TJP2: variants seen among roughly 807,000 people sequenced by gnomAD.
The protein encoded by TJP2 is Friedreich ataxia region gene X104 (tight junction protein ZO-2).
Under a neutral mutation model 133.1 loss-of-function variants are expected in TJP2, and 91 were observed. That is an observed-to-expected ratio of 0.68 (90% CI 0.58 to 0.81). The LOEUF is 0.81. Among genes scored for constraint, TJP2 ranks in the 40% least tolerant of loss-of-function variants. The probability of loss-of-function intolerance (pLI) is 0.00; values close to 1 mark genes in which losing one functional copy is unlikely to be tolerated. For missense variants in TJP2, 1,541 were observed against 1,565.6 expected, an observed-to-expected ratio of 0.98 and a Z score of 0.26; for synonymous variants, 592 against 583.4, an observed-to-expected ratio of 1.01 and a Z score of -0.21.
chr9:69,157,890 G>A (rs563744646), intron 2 of TJP2, among the ~76,000 whole-genome samples: 3 of 152,256 alleles, frequency 2.0e-5, no homozygotes, highest in Non-Finnish European at 2.9e-5. Flanking sequence ...GGAAATCTGT[G>A]ATGTCTGGAC....
intron 3 of TJP2, among the ~76,000 whole-genome samples, chr9:69,217,307 A>G (rs1045020397): frequency 2.6e-5 from 4 of 152,216 alleles, no homozygotes; most frequent in African/African-American, 9.6e-5. Flanking sequence ...ACCATTTTAC[A>G]TGATACATGC....
At chr9:69,217,164 T>C (rs1308726049) in intron 3 of TJP2, among the ~76,000 whole-genome samples, 1 of 152,060 alleles carries the variant, frequency 6.6e-6, no homozygotes, top group Non-Finnish European at 1.5e-5. Flanking sequence ...CTAATTTTTG[T>C]ATTTTTAGTA....
intron 1 of TJP2, among the ~76,000 whole-genome samples, chr9:69,133,361 G>A (rs1018705860): frequency 2.0e-5 from 3 of 152,090 alleles, no homozygotes; most frequent in African/African-American, 7.2e-5. Context: ...TAATGGCTTA[G>A]CGACGCCTAG....
At chr9:69,225,433 T>C (rs1829268150) in intron 6 of TJP2, 26 bp downstream of exon 6, 3 of 1,449,316 alleles carry the variant, frequency 2.1e-6, no homozygotes, top group Non-Finnish European at 2.9e-6. Context: ...CAGAGAACGG[T>C]AGTGTGCATA....
intron 1 of TJP2, among the ~76,000 whole-genome samples, chr9:69,183,214 ACT>A (rs1825637013): frequency 6.6e-6 from 1 of 151,864 alleles, no homozygotes; most frequent in Non-Finnish European, 1.5e-5. Context: ...AAACACCATC[ACT>A]CTCTAGTTCC....
intron 2 of TJP2, among the ~76,000 whole-genome samples, chr9:69,214,342 T>C (rs1828182122): frequency 6.6e-6 from 1 of 152,170 alleles, no homozygotes; most frequent in Non-Finnish European, 1.5e-5. Flanking sequence ...CGCCTTGGCC[T>C]CCCGAAGTGC....
In TJP2 at chr9:69,203,138, TC is replaced by T. The variant is rs1827119876; in HGVS notation, c.61-9406del. Among the ~76,000 whole-genome samples the T allele has an allele frequency of 3.3e-5, 5 of 152,048 alleles. No individual in the cohort carries two copies. In the South Asian group the frequency reaches 1.0e-3, roughly 32 times the overall value. ...TGAAGGAGTGGGCTGGCCTGAACCC[TC>T]CCCGAGTTGCCTGGGTTCTCAGGCT... On this transcript the variant is annotated intron_variant, in intron 1 of 22. Transcript: ENST00000377245.
At chr9:69,210,742 C>CTTTTTTT (rs200516626) in intron 1 of TJP2, among the ~76,000 whole-genome samples, 3 of 117,878 alleles carry the variant, frequency 2.5e-5, no homozygotes, top group Non-Finnish European at 3.5e-5. Context: ...ATTTTGAGTT[C>CTTTTTTT]TTTTTTTTTT....
At chr9:69,121,511 G>C (rs939538411) in exon 1 of TJP2, 22 of 275,598 alleles carry the variant, frequency 8.0e-5, no homozygotes, top group Non-Finnish European at 1.1e-4. Context: ...AATAATATAC[G>C]GGAGCAGCCG....
At chr9:69,187,448 C>T (rs749978845) in intron 1 of TJP2, among the ~76,000 whole-genome samples, 3 of 152,168 alleles carry the variant, frequency 2.0e-5, no homozygotes, top group African/African-American at 4.8e-5. Context: ...CTGTCTCTTT[C>T]GTCTGTTCCA....
chr9:69,123,070 A>C (rs1822217643), intron 1 of TJP2, among the ~76,000 whole-genome samples: 1 of 152,144 alleles, frequency 6.6e-6, no homozygotes, highest in Admixed American at 6.5e-5. Context: ...AGGATCACCC[A>C]AGGGATCCGT....
chr9:69,206,385 T>G (rs1166984140), intron 1 of TJP2, among the ~76,000 whole-genome samples: 1 of 151,986 alleles, frequency 6.6e-6, no homozygotes, highest in African/African-American at 2.4e-5. Context: ...ACTGGTACCA[T>G]CCTTCAACTC....
intron 1 of TJP2, among the ~76,000 whole-genome samples, chr9:69,148,373 C>A (rs1392440562): frequency 7.6e-6 from 1 of 130,942 alleles, no homozygotes; most frequent in East Asian, 2.3e-4. Context: ...CTCTGTAATA[C>A]TTTTTTTTTT....
intron 16 of TJP2, 53 bp from the exon 17 acceptor site, chr9:69,239,884 T>A: frequency 7.4e-7 from 1 of 1,347,994 alleles, no homozygotes; most frequent in Non-Finnish European, 1.1e-6. Flanking sequence ...AAGTATTTGA[T>A]GCTATATTAC....
In TJP2 at chr9:69,236,033, A is replaced by G. The variant is rs1350226749; in HGVS notation, c.1786A>G (p.Arg596Gly). 6.2e-7 allele frequency: 1 copy of G among 1,614,136 alleles called. No homozygotes were observed. The highest frequency in any genetic ancestry group is 1.7e-5 in the Admixed American group (1 of 60,028). ...ACGATGCTTTTGTCTTTCAGTGTAT[A>G]GAGACATCCTGGCTTGTGGCAGAGG... is the stretch of plus-strand genomic sequence containing the variant. ...ILAQSRADVY[R>G]DILACGRGDS... The change falls in exon 13 of 23, where the codon AGA becomes GGA. Residue 596 changes from arginine (R) to glycine (G), a missense_variant. Arg to Gly is a moderately radical substitution (Grantham distance 125). Coordinates refer to ENST00000377245, the MANE Select transcript of TJP2 (RefSeq NM_004817.4).
intron 1 of TJP2, among the ~76,000 whole-genome samples, chr9:69,192,752 G>A (rs1826288388): frequency 1.3e-5 from 2 of 152,046 alleles, no homozygotes; most frequent in Non-Finnish European, 2.9e-5. Flanking sequence ...CAGTGGCTTT[G>A]GGACCTGGTG....
chr9:69,151,543 C>T (rs1823480356), intron 1 of TJP2: 2 of 1,152,426 alleles, frequency 1.7e-6, no homozygotes, highest in Non-Finnish European at 2.2e-6. Context: ...TAAAAGCCAT[C>T]CTAAAAACGG....
chr9:69,202,715 A>G (rs925898590), intron 1 of TJP2, among the ~76,000 whole-genome samples: 4 of 152,178 alleles, frequency 2.6e-5, no homozygotes, highest in African/African-American at 9.6e-5. Context: ...AGGCTGAGGA[A>G]GATGACGGTT....
rs536934900 is a variant in TJP2 at position 69,254,499 on chromosome 9, G to T, written c.*125G>T. The T allele has an allele frequency of 8.7e-6, 11 of 1,269,914 alleles. No individual in the cohort carries two copies. The South Asian group carries it at 1.1e-4, about 13-fold the overall frequency. 78.7% of individuals were successfully genotyped at this position (1,269,914 alleles called of 1,614,324 possible). Reference sequence around the variant, plus strand: ...TGGAGACGTGGTGGGACTCCAGCTCGTGTGTCCTCATGGAGAACCCAGGGG... The same window carrying T: ...TGGAGACGTGGTGGGACTCCAGCTCTTGTGTCCTCATGGAGAACCCAGGGG... On this transcript the variant is annotated 3_prime_UTR_variant, in exon 23 of 23. Transcript: ENST00000377245.
Sources: allele counts gnomAD v4.1 joint callset (sites outside exome capture counted in the v4.1 genomes callset), GRCh38; gene constraint gnomAD v4.1.1; transcripts MANE v1.5; gene names NCBI Gene and HGNC (gene_info 2026-07-23, HGNC 2026-07-21).